ZNF460: variants seen among roughly 807,000 people sequenced by gnomAD.
The protein encoded by ZNF460 is zinc finger protein 460.
Under a neutral mutation model 8.4 loss-of-function variants are expected in ZNF460, and 1 was observed. The ratio of observed to expected loss-of-function variants is 0.12; its 90% CI spans 0.04 to 0.56. ZNF460 has a LOEUF of 0.56. Ranked by LOEUF, ZNF460 falls within the 20% of genes least tolerant of loss-of-function variation. The pLI, the probability that ZNF460 is intolerant of heterozygous loss-of-function variation, is 0.91. For synonymous variants in ZNF460, 262 were observed against 259.9 expected (o/e 1.01, Z -0.08); for missense variants, 477 against 714.8 (o/e 0.67, Z 3.79).
intron 1 of ZNF460, among the ~76,000 whole-genome samples, chr19:57,282,849 G>T (rs143052333): frequency 6.6e-6 from 1 of 152,018 alleles, no homozygotes; most frequent in Non-Finnish European, 1.5e-5. Context: ...AAATTAGACC[G>T]GCATGGCATC....
chr19:57,280,670 A>C lies in ZNF460; in HGVS notation c.-137A>C, dbSNP rs2087830925. On this transcript the variant is annotated 5_prime_UTR_variant, in exon 1 of 3. Transcript: ENST00000360338. ...CTCCGCAGCCGCCCTCCGTCTCCTC[A>C]GCCCCGACGCTGCGCCTTGGGCCTT... 7.7e-7 allele frequency: 1 copy of C among 1,306,710 alleles called. No individual in the cohort carries two copies. The highest frequency in any genetic ancestry group is 1.0e-6 in the Non-Finnish European group (1 of 954,224). 80.9% of individuals were successfully genotyped at this position (1,306,710 alleles called of 1,614,324 possible). A position where few individuals can be genotyped will look rare whatever the true frequency, so the allele number is the denominator to read the frequency against.
chr19:57,281,261 G>A (rs1012972790), intron 1 of ZNF460, among the ~76,000 whole-genome samples: 1 of 152,112 alleles, frequency 6.6e-6, no homozygotes, highest in Admixed American at 6.5e-5. Flanking sequence ...CACTGCCCCT[G>A]TAACTTTGCA....
At chr19:57,288,117 A>G in intron 2 of ZNF460, among the ~76,000 whole-genome samples, 1 of 152,204 alleles carries the variant, frequency 6.6e-6, no homozygotes, top group East Asian at 1.9e-4. Flanking sequence ...TTCAAATACA[A>G]CAGTGACCAT....
chr19:57,291,592 C>G lies in ZNF460; in HGVS notation c.1051C>G (p.Leu351Val). The change falls in exon 3 of 3, where the codon CTC becomes GTC. Residue 351 changes from leucine (L) to valine (V), a missense_variant. Coordinates refer to ENST00000360338, the MANE Select transcript of ZNF460 (RefSeq NM_006635.4). The surrounding 1 kb of genome is among the most constrained non-coding windows in gnomAD (Gnocchi z 8.4). The part of the protein sequence containing the change: ...CGKAFNCRSH[L>V]KQHERIHTGE... ...GAAGGCCTTCAACTGCAGGTCACAC[C>G]TCAAGCAGCATGAGCGGATTCACAC... 6.2e-7 allele frequency: 1 copy of G among 1,614,004 alleles called. No homozygotes were observed. Among genetic ancestry groups the G allele is most frequent in the Non-Finnish European group, 8.5e-7 (1 of 1,180,018 alleles).
At chr19:57,288,821 C>A (rs1017740782) in intron 2 of ZNF460, among the ~76,000 whole-genome samples, 1 of 151,968 alleles carries the variant, frequency 6.6e-6, no homozygotes, top group Non-Finnish European at 1.5e-5. Flanking sequence ...CATCAGTTAT[C>A]TCATAGCCCA....
chr19:57,292,188 C>T lies in ZNF460; in HGVS notation c.1647C>T (p.Leu549=), dbSNP rs1379396714. Residue 549 remains leucine, a synonymous_variant, in exon 3 of 3, where the codon CTC becomes CTT. Transcript: ENST00000360338. ...TPSIAAHSSS[L]DINGFIVEET... ...CAATTGCCGCTCATTCCTCCTCACT[C>T]GACATCAACGGATTCATAGTGGAAG... 5.6e-6 allele frequency: 9 copies of T among 1,613,854 alleles called. No homozygotes were observed. The highest frequency in any genetic ancestry group is 2.7e-5 in the African/African-American group (2 of 74,940).
rs761495618 is a variant in ZNF460, at chr19:57,292,039, G to T, written c.1498G>T (p.Ala500Ser). The change falls in exon 3 of 3, where the codon GCA (alanine) becomes TCA (serine). Residue 500 changes from alanine to serine, a missense_variant. Around this residue, in one of 5 missense-constraint regions of ZNF460, gnomAD observed 83 missense variants for 82.3 expected, o/e 1.01. Coordinates refer to ENST00000360338, the MANE Select transcript of ZNF460 (RefSeq NM_006635.4). Reference protein sequence around the residue: ...PLTRHQRIHTAEKSHEPIQSG... With the variant: ...PLTRHQRIHTSEKSHEPIQSG... The stretch of plus-strand genomic sequence containing the variant: ...CACAAGGCACCAGCGGATTCACACT[G>T]CAGAGAAGTCCCACGAACCCATCCA... 1 of 1,614,220 alleles carries T rather than the reference G, an allele frequency of 6.2e-7. No individual in the cohort carries two copies. Among genetic ancestry groups the T allele is most frequent in the Non-Finnish European group, 8.5e-7 (1 of 1,180,038 alleles).
chr19:57,282,012 C>T (rs1283775813), intron 1 of ZNF460: 2 of 152,146 alleles, frequency 1.3e-5, no homozygotes, highest in East Asian at 1.9e-4. Context: ...CTTCTTTACC[C>T]GCAGTGGTTA....
At position 57,292,916 on chromosome 19, in the gene ZNF460, T is replaced by A. The variant is rs574943649; in HGVS notation, c.*686T>A. ...TGAAATACTTTTACATTTAAGGAGA[T>A]AAAGGATGTACATATGAATGGGCAC... On this transcript the variant is annotated 3_prime_UTR_variant, in exon 3 of 3. Coordinates refer to ENST00000360338, the MANE Select transcript of ZNF460 (RefSeq NM_006635.4). 1.3e-5 allele frequency: 2 copies of A among 152,368 alleles called. No individual in the cohort carries two copies. Among genetic ancestry groups the A allele is most frequent in the African/African-American group, 4.8e-5 (2 of 41,574 alleles). The allele number at this position is 152,368 out of a possible 1,614,324, so 9.4% of individuals were successfully genotyped here. A position where few individuals can be genotyped will look rare whatever the true frequency, so the allele number is the denominator to read the frequency against.
chr19:57,285,390 A>C (rs2087872131), intron 2 of ZNF460, among the ~76,000 whole-genome samples: 1 of 152,146 alleles, frequency 6.6e-6, no homozygotes, highest in African/African-American at 2.4e-5. Flanking sequence ...TGTGGAACGA[A>C]GTGACCGTCT....
Position 57,280,580 on chromosome 19 carries a change from C to T in ZNF460, c.-227C>T. On this transcript the variant is annotated 5_prime_UTR_variant, in exon 1 of 3. Coordinates refer to ENST00000360338, the MANE Select transcript of ZNF460 (RefSeq NM_006635.4). The stretch of plus-strand genomic sequence containing the variant: ...GTTACGCCCCTTCTTCGCGTCTTGG[C>T]GGGAGCCTGACGCCCCGCTTCTCCC... 1.7e-6 allele frequency: 1 copy of T among 598,548 alleles called. No individual in the cohort carries two copies. The highest frequency in any genetic ancestry group is 2.9e-6 in the Non-Finnish European group (1 of 339,946). 37.1% of individuals were successfully genotyped at this position (598,548 alleles called of 1,614,324 possible).
Position 57,291,115 on chromosome 19 carries a change from C to T in ZNF460, c.574C>T (p.Arg192Cys), listed in dbSNP as rs775245618. 8 of 1,614,176 alleles carry T rather than the reference C, an allele frequency of 5.0e-6. No individual in the cohort carries two copies. Among genetic ancestry groups the T allele is most frequent in the South Asian group, 4.4e-5 (4 of 91,078 alleles). Residue 192 changes from arginine to cysteine, a missense_variant, in exon 3 of 3, where the codon CGT (arginine) becomes TGT (cysteine). By Grantham distance (180) the Arg-to-Cys change is radical (BLOSUM62 -3). Around this residue, in one of 5 missense-constraint regions of ZNF460, gnomAD observed 169 missense variants for 178.6 expected, o/e 0.95. Transcript: ENST00000360338. The surrounding 1 kb of genome is among the most constrained non-coding windows in gnomAD (Gnocchi z 8.4). The stretch of plus-strand genomic sequence containing the variant: ...TGTTCAGCATGAGCAGATTCTCCCT[C>T]GTGTGAAGCCCTATGATTGCCCAGA... ...FLVQHEQILP[R>C]VKPYDCPECG...
chr19:57,280,765 A>T lies in ZNF460; in HGVS notation c.-42A>T. ...GTCAGCCGAGGTCGCCCCGCCCAGG[A>T]CAGAGAAGGGCTGTGGTCGGCTGAT... On this transcript the variant is annotated 5_prime_UTR_variant, in exon 1 of 3. Transcript: ENST00000360338. 1 of 1,613,290 alleles carries T rather than the reference A, an allele frequency of 6.2e-7. No homozygotes were observed.
intron 2 of ZNF460, among the ~76,000 whole-genome samples, chr19:57,285,850 C>A (rs973531932): frequency 1.3e-5 from 2 of 152,138 alleles, no homozygotes; most frequent in African/African-American, 4.8e-5. Context: ...TGTTTTGAGA[C>A]TCCTGGCACC....
intron 1 of ZNF460, 129 bp from the exon 2 acceptor site, chr19:57,284,422 G>A (rs1167591794): frequency 4.4e-6 from 5 of 1,139,134 alleles, no homozygotes; most frequent in Non-Finnish European, 6.3e-6. Flanking sequence ...CACAGATCTT[G>A]GCCCTTTGGA....
rs372027145 is a variant in ZNF460, at chr19:57,292,016, C to A, written c.1475C>A (p.Thr492Lys). ...GKAFNRRSPL[T>K]RHQRIHTAEK... is the part of the protein sequence containing the mutation. ...GCCTTCAACCGCAGGTCACCCCTCA[C>A]AAGGCACCAGCGGATTCACACTGCA... is the stretch of plus-strand genomic sequence containing the variant. The change falls in exon 3 of 3, where the codon ACA (threonine) becomes AAA (lysine). Residue 492 changes from threonine (T) to lysine (K), a missense_variant. Around this residue, in one of 5 missense-constraint regions of ZNF460, gnomAD observed 193 missense variants for 391.7 expected, o/e 0.49. Transcript: ENST00000360338. The A allele has an allele frequency of 6.2e-7, 1 of 1,614,054 alleles. No individual in the cohort carries two copies. The highest frequency in any genetic ancestry group is 1.3e-5 in the African/African-American group (1 of 74,920).
At chr19:57,288,285 C>T (rs1295088354) in intron 2 of ZNF460, among the ~76,000 whole-genome samples, 1 of 152,150 alleles carries the variant, frequency 6.6e-6, no homozygotes, top group Non-Finnish European at 1.5e-5. Context: ...TCACTGTAGC[C>T]TCAAACTCCT....
chr19:57,283,142 TTTG>T (rs905594163), intron 1 of ZNF460, among the ~76,000 whole-genome samples: 4 of 112,816 alleles, frequency 3.5e-5, no homozygotes, highest in Non-Finnish European at 7.0e-5. Context: ...TCAGTGTTTG[TTTG>T]TTTTTTTTTT....
At chr19:57,280,478 T>G, upstream of ZNF460, 1 of 364,068 alleles carries the variant, frequency 2.7e-6, no homozygotes, top group Non-Finnish European at 5.1e-6. Flanking sequence ...TGGGCCGGTT[T>G]GGCCCTGAAA....
Sources: allele counts gnomAD v4.1 joint callset (sites outside exome capture counted in the v4.1 genomes callset), GRCh38; gene constraint gnomAD v4.1.1; regional missense constraint gnomAD v4.1.1; non-coding constraint Gnocchi (gnomAD v3.1); transcripts MANE v1.5; gene names NCBI Gene and HGNC (gene_info 2026-07-23, HGNC 2026-07-21).